Variants in COQ3 observed in about 807,000 individuals in gnomAD.
COQ3 encodes ubiquinone biosynthesis O-methyltransferase, mitochondrial.
Under a neutral mutation model 33.1 loss-of-function variants are expected in COQ3, and 29 were observed. The observed-to-expected ratio is 0.88, with a 90% CI of 0.65 to 1.19. COQ3 has a LOEUF of 1.19. Ranked by LOEUF, COQ3 falls within the 50% of genes most tolerant of loss-of-function variation. COQ3 has a pLI of 0.00. For synonymous variants in COQ3, 173 were observed against 157.8 expected (o/e 1.10, Z -0.72); for missense variants, 437 against 430.7 (o/e 1.01, Z -0.13).
In COQ3 at chr6:99,371,813, T is replaced by G. The variant is rs142064831; in HGVS notation, c.730-226A>C. Among the ~76,000 whole-genome samples the G allele has an allele frequency of 2.0e-5, 3 of 152,328 alleles. No individual in the cohort carries two copies. In the East Asian group the frequency reaches 5.8e-4, roughly 29 times the overall value. On this transcript the variant is annotated intron_variant, in intron 5 of 6. Coordinates refer to ENST00000254759, the MANE Select transcript of COQ3 (RefSeq NM_017421.4). Reference sequence around the variant, plus strand: ...ACTCAGTGAGTATATACAACAGTGCTTACAACTCTTAAGATCATATATAAT... The same window carrying G: ...ACTCAGTGAGTATATACAACAGTGCGTACAACTCTTAAGATCATATATAAT...
intron 1 of COQ3, 141 bp downstream of exon 1, chr6:99,393,933 G>A (rs548610261): frequency 3.1e-6 from 2 of 642,934 alleles, no homozygotes; most frequent in Admixed American, 2.8e-5. Context: ...GGAGAGAGAT[G>A]GGGCCAGGAC....
intron 4 of COQ3, 51 bp from the exon 5 acceptor site, chr6:99,376,233 T>C (rs1372284884): frequency 4.4e-6 from 7 of 1,577,564 alleles, no homozygotes; most frequent in Non-Finnish European, 8.6e-7. Flanking sequence ...AGAGCACATG[T>C]TAGCAATAAA....
At chr6:99,370,039 C>CACAT (rs1774083871) in intron 6 of COQ3, among the ~76,000 whole-genome samples, 1 of 152,160 alleles carries the variant, frequency 6.6e-6, no homozygotes, top group African/African-American at 2.4e-5. Context: ...GCAATTAGGA[C>CACAT]ACATACTCCA....
intron 6 of COQ3, among the ~76,000 whole-genome samples, chr6:99,370,680 A>G (rs1205597975): frequency 6.6e-6 from 1 of 152,044 alleles, no homozygotes; most frequent in East Asian, 1.9e-4. Flanking sequence ...TACTCATAGA[A>G]ATCTTTAGAA....
At chr6:99,393,995 G>A (rs1021398411) in intron 1 of COQ3, 79 bp downstream of exon 1, 1 of 1,197,466 alleles carries the variant, frequency 8.4e-7, no homozygotes, top group South Asian at 1.2e-5. Context: ...ACAACCCACC[G>A]CCCCACCCCC....
At chr6:99,378,195 T>G (rs1299593073) in intron 3 of COQ3, among the ~76,000 whole-genome samples, 5 of 141,094 alleles carry the variant, frequency 3.5e-5, no homozygotes, top group African/African-American at 1.0e-4. Flanking sequence ...TATGTATAAA[T>G]TTTAATTATA....
chr6:99,372,019 T>C (rs578111513), intron 5 of COQ3, among the ~76,000 whole-genome samples: 52 of 152,364 alleles, frequency 3.4e-4, no homozygotes, highest in Admixed American at 6.5e-4. Flanking sequence ...ATACATCTTG[T>C]GCAGGGAAGT....
Position 99,371,604 on chromosome 6 carries a change from T to A in COQ3, c.730-17A>T. ...ACCACCGGGCTAAAAGAAATGAAAT[T>A]ATATAGAAGTAAAATGTAAAAGACT... On this transcript the variant is annotated splice_polypyrimidine_tract_variant and intron_variant, in intron 5 of 6. Coordinates refer to ENST00000254759, the MANE Select transcript of COQ3 (RefSeq NM_017421.4). The A allele has an allele frequency of 6.5e-7, 1 of 1,533,408 alleles. No homozygotes were observed. The highest frequency in any genetic ancestry group is 8.9e-7 in the Non-Finnish European group (1 of 1,123,398). 95.0% of individuals were successfully genotyped at this position (1,533,408 alleles called of 1,614,324 possible).
At chr6:99,375,046 T>G (rs1774245546) in intron 5 of COQ3, among the ~76,000 whole-genome samples, 1 of 151,262 alleles carries the variant, frequency 6.6e-6, no homozygotes, top group African/African-American at 2.4e-5. Flanking sequence ...CTCGGCTCAC[T>G]GCAACCTCTG....
At chr6:99,375,504 C>T (rs974878256) in intron 5 of COQ3, among the ~76,000 whole-genome samples, 4 of 151,804 alleles carry the variant, frequency 2.6e-5, no homozygotes, top group African/African-American at 9.7e-5. Context: ...GTACCTCAGT[C>T]TCCTGAGTAT....
intron 1 of COQ3, among the ~76,000 whole-genome samples, chr6:99,393,702 G>T (rs1056524572): frequency 3.9e-5 from 6 of 152,182 alleles, no homozygotes; most frequent in African/African-American, 1.4e-4. Context: ...ACAAAACACA[G>T]ATACAAAGCT....
At chr6:99,378,783 A>G (rs796872423) in intron 3 of COQ3, among the ~76,000 whole-genome samples, 4 of 152,218 alleles carry the variant, frequency 2.6e-5, no homozygotes, top group African/African-American at 9.6e-5. Context: ...GGATGTCAGT[A>G]TTTCTCTTTT....
chr6:99,391,987 A>C (rs1383598087), intron 1 of COQ3, among the ~76,000 whole-genome samples: 1 of 150,382 alleles, frequency 6.6e-6, no homozygotes, highest in Non-Finnish European at 1.5e-5. Flanking sequence ...ATACAGAGCA[A>C]GACCTTTTCT....
At chr6:99,393,275 A>G (rs186376606) in intron 1 of COQ3, among the ~76,000 whole-genome samples, 1 of 152,122 alleles carries the variant, frequency 6.6e-6, no homozygotes, top group East Asian at 1.9e-4. Context: ...CCATGTGGGT[A>G]CAAATAGATT....
At position 99,369,567 on chromosome 6, in the gene COQ3, C is replaced by G. The variant is rs1244110771; in HGVS notation, c.*33G>C. ...TTTTGTATTTGAAAACATCAGATAT[C>G]CAAGCCATATTACTATAGTTCTCAG... On this transcript the variant is annotated 3_prime_UTR_variant, in exon 7 of 7. Coordinates refer to ENST00000254759, the MANE Select transcript of COQ3 (RefSeq NM_017421.4). 2 of 1,430,936 alleles carry G rather than the reference C, an allele frequency of 1.4e-6. No homozygotes were observed. Among genetic ancestry groups the G allele is most frequent in the Non-Finnish European group, 2.0e-6 (2 of 1,019,786 alleles). The allele number at this position is 1,430,936 out of a possible 1,614,324, so 88.6% of individuals were successfully genotyped here. A position where few individuals can be genotyped will look rare whatever the true frequency, so the allele number is the denominator to read the frequency against.
At chr6:99,373,025 A>G (rs1215134411) in intron 5 of COQ3, among the ~76,000 whole-genome samples, 3 of 152,186 alleles carry the variant, frequency 2.0e-5, no homozygotes. Flanking sequence ...ATCATACACT[A>G]TATTATCACA....
At position 99,380,293 on chromosome 6, in the gene COQ3, G is replaced by T. The variant is rs562947006; in HGVS notation, c.282C>A (p.Ser94Arg). The T allele has an allele frequency of 1.2e-6, 2 of 1,613,844 alleles. No individual in the cohort carries two copies. The highest frequency in any genetic ancestry group is 1.7e-6 in the Non-Finnish European group (2 of 1,179,954). ...LYSTSQTTVD[S>R]GEVKTFLALA... is the part of the protein sequence containing the mutation. ...GGGCCAAGAAGGTTTTTACCTCACC[G>T]CTGTCGACAGTGGTTTGGGAAGTAC... Residue 94 changes from serine (S) to arginine (R), a missense_variant, in exon 3 of 7, where the codon AGC becomes AGA. Coordinates refer to ENST00000254759, the MANE Select transcript of COQ3 (RefSeq NM_017421.4).
chr6:99,369,536 G>T lies in COQ3; in HGVS notation c.*64C>A. ...ATGATTCTCTCTCAAAGGATAAATT[G>T]TACATTTTTGTATTTGAAAACATCA... is the stretch of plus-strand genomic sequence containing the variant. On this transcript the variant is annotated 3_prime_UTR_variant, in exon 7 of 7. Coordinates refer to ENST00000254759, the MANE Select transcript of COQ3 (RefSeq NM_017421.4). 9.1e-7 allele frequency: 1 copy of T among 1,097,790 alleles called. No individual in the cohort carries two copies. Among genetic ancestry groups the T allele is most frequent in the Non-Finnish European group, 1.3e-6 (1 of 779,020 alleles). 68.0% of individuals were successfully genotyped at this position (1,097,790 alleles called of 1,614,324 possible). A position where few individuals can be genotyped will look rare whatever the true frequency, so the allele number is the denominator to read the frequency against.
chr6:99,385,574 T>C (rs1774602631), intron 1 of COQ3, among the ~76,000 whole-genome samples: 1 of 152,112 alleles, frequency 6.6e-6, no homozygotes, highest in Non-Finnish European at 1.5e-5. Context: ...ATTTTAAAAA[T>C]TGAAGTAAAT....
Sources: allele counts gnomAD v4.1 joint callset (sites outside exome capture counted in the v4.1 genomes callset), GRCh38; gene constraint gnomAD v4.1.1; transcripts MANE v1.5; gene names NCBI Gene and HGNC (gene_info 2026-07-23, HGNC 2026-07-21).